The following RALGAPA1 variants were observed in gnomAD, a reference collection of about 807,000 sequenced individuals.
The protein encoded by RALGAPA1 is ral GTPase-activating protein subunit alpha-1.
A neutral mutation model predicts 269.6 loss-of-function variants in RALGAPA1; 52 were observed. That is an observed-to-expected ratio of 0.19 (90% CI 0.15 to 0.24). The LOEUF is 0.24. Among genes scored for constraint, RALGAPA1 ranks in the 10% least tolerant of loss-of-function variants. RALGAPA1 has a pLI of 1.00. For missense variants in RALGAPA1, 1,917 were observed against 3,013.9 expected, an observed-to-expected ratio of 0.64 and a Z score of 8.52; for synonymous variants, 817 against 1,008.3, an observed-to-expected ratio of 0.81 and a Z score of 3.60.
At chr14:35,755,587 T>C (rs1329351650) in intron 7 of RALGAPA1, among the ~76,000 whole-genome samples, 1 of 152,154 alleles carries the variant, frequency 6.6e-6, no homozygotes, top group African/African-American at 2.4e-5. Context: ...AAATTAGTAA[T>C]AACAATGATG....
At chr14:35,628,032 T>C (rs983880467) in intron 33 of RALGAPA1, 81 bp from the exon 34 acceptor site, 4 of 1,381,636 alleles carry the variant, frequency 2.9e-6, no homozygotes, top group Non-Finnish European at 3.9e-6. Context: ...AGACAACAAA[T>C]AGGGATTTTA....
chr14:35,652,641 G>T (rs2062913746), intron 30 of RALGAPA1, among the ~76,000 whole-genome samples: 1 of 152,006 alleles, frequency 6.6e-6, no homozygotes, highest in African/African-American at 2.4e-5. Context: ...CTAACCTCAG[G>T]TGATCCGCCC....
intron 39 of RALGAPA1, 133 bp from the exon 40 acceptor site, chr14:35,549,367 ATTG>A: frequency 1.1e-6 from 1 of 913,088 alleles, no homozygotes; most frequent in Admixed American, 3.2e-5. Flanking sequence ...ATTCTTATAT[ATTG>A]TTAACAGTAT....
intron 1 of RALGAPA1, among the ~76,000 whole-genome samples, chr14:35,790,603 G>A (rs1358469916): frequency 6.6e-6 from 1 of 151,032 alleles, no homozygotes; most frequent in East Asian, 2.0e-4. Flanking sequence ...CGGGGGAATT[G>A]CTTGAACCGG....
chr14:35,611,644 A>G (rs1385443043), intron 35 of RALGAPA1, among the ~76,000 whole-genome samples: 3 of 151,998 alleles, frequency 2.0e-5, no homozygotes, highest in African/African-American at 7.2e-5. Flanking sequence ...GTGAGGTGGG[A>G]GGATCACTTG....
chr14:35,741,101 T>C (rs2071506348), intron 11 of RALGAPA1, among the ~76,000 whole-genome samples: 1 of 152,186 alleles, frequency 6.6e-6, no homozygotes, highest in Admixed American at 6.5e-5. Context: ...AATCTACCCT[T>C]TCCTCTCTCC....
intron 21 of RALGAPA1, 175 bp downstream of exon 21, chr14:35,683,625 TAACCCAGTG>T: frequency 2.0e-6 from 1 of 511,960 alleles, no homozygotes; most frequent in Non-Finnish European, 3.5e-6. Context: ...CTCTGAAGCT[TAACCCAGTG>T]GACCTCAGGT....
At chr14:35,780,969 C>T (rs1044045129) in intron 1 of RALGAPA1, among the ~76,000 whole-genome samples, 4 of 151,362 alleles carry the variant, frequency 2.6e-5, no homozygotes, top group Non-Finnish European at 4.4e-5. Flanking sequence ...TACATATATA[C>T]GAAAATAAAG....
chr14:35,538,410 C>T lies in RALGAPA1; in HGVS notation c.*1304G>A, dbSNP rs2053699684. The T allele has an allele frequency of 6.6e-6, 1 of 152,448 alleles. No homozygotes were observed. Among genetic ancestry groups the T allele is most frequent in the African/African-American group, 2.4e-5 (1 of 41,390 alleles). 9.4% of individuals were successfully genotyped at this position (152,448 alleles called of 1,614,324 possible). Reference sequence around the variant, plus strand: ...TTATTAAATACCATGTCATCTTTCCCCCCCACTGTTACAAATTATAGATAC... The same window carrying T: ...TTATTAAATACCATGTCATCTTTCCTCCCCACTGTTACAAATTATAGATAC... On this transcript the variant is annotated 3_prime_UTR_variant, in exon 42 of 42. Coordinates refer to ENST00000680220, the MANE Select transcript of RALGAPA1 (RefSeq NM_001346249.2).
intron 1 of RALGAPA1, among the ~76,000 whole-genome samples, chr14:35,794,920 T>C (rs552492353): frequency 6.6e-6 from 1 of 152,354 alleles, no homozygotes; most frequent in Admixed American, 6.5e-5. Context: ...CATTTTTTAC[T>C]AATCAATTTA....
chr14:35,654,313 C>T (rs978517707), intron 30 of RALGAPA1, 54 bp downstream of exon 30: 2 of 1,473,354 alleles, frequency 1.4e-6, no homozygotes, highest in Non-Finnish European at 1.8e-6. Context: ...TTCAAAGTAT[C>T]CAAATCTAAA....
At chr14:35,776,771 T>C (rs1056851391) in intron 1 of RALGAPA1, among the ~76,000 whole-genome samples, 4 of 152,096 alleles carry the variant, frequency 2.6e-5, no homozygotes, top group Non-Finnish European at 4.4e-5. Context: ...ATTCAAGGCA[T>C]AAAAAATACA....
At chr14:35,765,911 T>G in intron 4 of RALGAPA1, 1 of 1,146,486 alleles carries the variant, frequency 8.7e-7, no homozygotes, top group Non-Finnish European at 1.3e-6. Flanking sequence ...ATGAGTTTGC[T>G]ATGAGATCTG....
intron 36 of RALGAPA1, among the ~76,000 whole-genome samples, chr14:35,600,265 C>G (rs1189319563): frequency 8.5e-6 from 1 of 117,696 alleles, no homozygotes; most frequent in Admixed American, 1.1e-4. Context: ...AGGGTCTGCT[C>G]TATCACCCAG....
chr14:35,620,913 TATC>T (rs2060579915), intron 35 of RALGAPA1, among the ~76,000 whole-genome samples: 1 of 152,120 alleles, frequency 6.6e-6, no homozygotes, highest in Admixed American at 6.5e-5. Flanking sequence ...GAAGAATCAA[TATC>T]ATGAAAATGG....
rs148133736 is a variant in RALGAPA1, at chr14:35,553,449, G to A, written c.7497-4215C>T. Among the ~76,000 whole-genome samples the A allele has an allele frequency of 1.2e-4, 18 of 152,252 alleles. No individual in the cohort carries two copies. In the East Asian group the frequency reaches 3.5e-3, roughly 29 times the overall value. ...TTAACACATAAAAGAATAGATAAAG[G>A]TAGATTTGGTTTTAAAGAAGCAACA... On this transcript the variant is annotated intron_variant, in intron 39 of 41. Coordinates refer to ENST00000680220, the MANE Select transcript of RALGAPA1 (RefSeq NM_001346249.2).
chr14:35,658,705 A>G (rs2063352045), intron 28 of RALGAPA1, among the ~76,000 whole-genome samples: 1 of 151,420 alleles, frequency 6.6e-6, no homozygotes, highest in East Asian at 1.9e-4. Flanking sequence ...TTGATCAAAT[A>G]TTTATAAATA....
intron 29 of RALGAPA1, 102 bp from the exon 30 acceptor site, chr14:35,654,579 AAATCC>A (rs2063052839): frequency 7.6e-7 from 1 of 1,313,406 alleles, no homozygotes; most frequent in South Asian, 1.6e-5. Flanking sequence ...GTAGGATTAT[AAATCC>A]TACATTTATA....
chr14:35,561,583 G>A (rs1329676313), intron 39 of RALGAPA1, among the ~76,000 whole-genome samples: 1 of 143,844 alleles, frequency 7.0e-6, no homozygotes, highest in East Asian at 2.2e-4. Context: ...GGTGCAATCT[G>A]GGCTCACTGC....
Sources: allele counts gnomAD v4.1 joint callset (sites outside exome capture counted in the v4.1 genomes callset), GRCh38; gene constraint gnomAD v4.1.1; transcripts MANE v1.5; gene names NCBI Gene and HGNC (gene_info 2026-07-23, HGNC 2026-07-21).